The following PARP10 variants were observed in gnomAD, a reference collection of about 807,000 sequenced individuals.
The protein encoded by PARP10 is poly(ADP-ribose) polymerase family member 10.
Under a neutral mutation model 82.4 loss-of-function variants are expected in PARP10, and 56 were observed. The observed-to-expected ratio is 0.68, with a 90% CI of 0.55 to 0.85. The LOEUF is 0.85. PARP10 is among the 40% of genes least tolerant of loss of function. The pLI is 0.00. For synonymous variants in PARP10, 576 were observed against 601.1 expected (o/e 0.96, Z 0.61); for missense variants, 1,227 against 1,379.4 (o/e 0.89, Z 1.75).
At chr8:144,005,133 T>C (rs7001174) in intron 1 of PARP10, among the ~76,000 whole-genome samples, 66,489 of 149,490 alleles carry the variant, frequency 0.44, 15,783 homozygotes, top group African/African-American at 0.6. Flanking sequence ...GAGCTGAGAT[T>C]GCACCACTGC....
At position 143,983,993 on chromosome 8, in the gene PARP10, C is replaced by T. The variant is rs1833925764; in HGVS notation, c.1777+15G>A. ...AGGGCCACAGGATGTGCTGAGGGCTCCCAGGGAGCCCTACCCAGGCTCACG... is the reference window on the plus strand; with the variant it reads ...AGGGCCACAGGATGTGCTGAGGGCTTCCAGGGAGCCCTACCCAGGCTCACG... On this transcript the variant is annotated intron_variant, in intron 7 of 10. Coordinates refer to ENST00000313028, the MANE Select transcript of PARP10 (RefSeq NM_032789.5). The T allele has an allele frequency of 2.7e-6, 4 of 1,508,778 alleles. No homozygotes were observed. Among genetic ancestry groups the T allele is most frequent in the African/African-American group, 1.4e-5 (1 of 71,382 alleles). 93.5% of individuals were successfully genotyped at this position (1,508,778 alleles called of 1,614,324 possible). A position where few individuals can be genotyped will look rare whatever the true frequency, so the allele number is the denominator to read the frequency against.
upstream of PARP10, chr8:143,992,580 C>T: frequency 4.3e-6 from 7 of 1,614,154 alleles, no homozygotes; most frequent in Non-Finnish European, 5.9e-6. Flanking sequence ...ATCGTGTACG[C>T]CTCACTGGGC....
At chr8:144,004,849 C>T (rs1211486235) in intron 1 of PARP10, among the ~76,000 whole-genome samples, 9 of 152,156 alleles carry the variant, frequency 5.9e-5, no homozygotes, top group African/African-American at 2.2e-4. Flanking sequence ...GGGAGCAGGG[C>T]AGGCTCCTGG....
At chr8:143,979,915 G>A (rs1833806213) in intron 9 of PARP10, among the ~76,000 whole-genome samples, 1 of 151,830 alleles carries the variant, frequency 6.6e-6, no homozygotes, top group Admixed American at 6.6e-5. Context: ...AGGAGGCTGA[G>A]GCAGGAGAAT....
At position 143,996,212 on chromosome 8, in the gene PARP10, CTA is replaced by C. The variant is rs149325963; in HGVS notation, c.-79-9776_-79-9775del. On this transcript the variant is annotated intron_variant, in intron 1 of 3. Transcript: ENST00000530478. ...AAGGAGCACTGACACAGGTCACTGA[CTA>C]TATGAAGGCCAAAAAGAGACTTAAA... Among the ~76,000 whole-genome samples, 596 of 152,314 alleles carry C rather than the reference CTA, an allele frequency of 3.9e-3. 3 individuals are homozygous for C. Among genetic ancestry groups the C allele is most frequent in the African/African-American group, 0.014 (578 of 41,562 alleles).
At chr8:143,989,997 GCCCACCTGCCCCT>G (rs1834062404), upstream of PARP10, 1 of 132,222 alleles carries the variant, frequency 7.6e-6, no homozygotes, top group Non-Finnish European at 1.6e-5. The surrounding 1 kb of genome is among the most constrained non-coding windows in gnomAD (Gnocchi z 4.3). Flanking sequence ...CGGAAGCCCC[GCCCACCTGCCCCT>G]CCCACCCCGA....
chr8:143,992,753 A>T, upstream of PARP10: 1 of 1,614,002 alleles, frequency 6.2e-7, no homozygotes, highest in Non-Finnish European at 8.5e-7. Flanking sequence ...AGCCCAGAAG[A>T]GTATGTGTTT....
At chr8:144,006,068 G>A (rs1411001264) in intron 1 of PARP10, among the ~76,000 whole-genome samples, 1 of 152,082 alleles carries the variant, frequency 6.6e-6, no homozygotes, top group Non-Finnish European at 1.5e-5. Flanking sequence ...TAACCCCAGT[G>A]CTCCCCAGTC....
chr8:143,991,113 C>A, upstream of PARP10: 1 of 693,864 alleles, frequency 1.4e-6, no homozygotes, highest in Non-Finnish European at 2.4e-6. Context: ...CCCCTGGGTT[C>A]CCAGAAGCAG....
intron 1 of PARP10, among the ~76,000 whole-genome samples, chr8:143,999,772 A>G (rs1834188451): frequency 6.6e-6 from 1 of 152,054 alleles, no homozygotes; most frequent in African/African-American, 2.4e-5. Context: ...AATACAGTTA[A>G]CTGAAACCAA....
chr8:143,979,360 G>A (rs1419509421), intron 9 of PARP10, among the ~76,000 whole-genome samples: 3 of 152,136 alleles, frequency 2.0e-5, no homozygotes, highest in African/African-American at 7.2e-5. Context: ...TCTCATTACC[G>A]ACACCAGATG....
At chr8:144,002,322 G>C (rs1014592846) in intron 1 of PARP10, among the ~76,000 whole-genome samples, 11 of 152,150 alleles carry the variant, frequency 7.2e-5, no homozygotes, top group African/African-American at 2.7e-4. Flanking sequence ...GCTGAGGTAG[G>C]AGGATTGCTT....
chr8:143,997,378 C>T (rs373429884), intron 1 of PARP10, among the ~76,000 whole-genome samples: 2 of 152,282 alleles, frequency 1.3e-5, no homozygotes, highest in African/African-American at 4.8e-5. Context: ...GCCAGCTTTT[C>T]ACTGGTATCC....
rs1276887675 is a variant in PARP10, at chr8:144,010,343, G to A, written c.-80+2187C>T. Among the ~76,000 whole-genome samples, 9 of 152,206 alleles carry A rather than the reference G, an allele frequency of 5.9e-5. 1 individual carries two copies. The highest frequency in any genetic ancestry group is 5.2e-4 in the Admixed American group (8 of 15,276). On this transcript the variant is annotated intron_variant, in intron 1 of 3. Transcript: ENST00000530478. ...CCTAACATAATGCCTGCCACAGTTG[G>A]TGGCCAACATATGTTTTCGGATGAA...
rs560641493 is a variant in PARP10 at position 144,005,250 on chromosome 8, G to A, written c.-80+7280C>T. On this transcript the variant is annotated intron_variant, in intron 1 of 3. Transcript: ENST00000530478. The stretch of plus-strand genomic sequence containing the variant: ...GGAGGGACCAGCATCCACCAAGTCC[G>A]AGATGAGCTGCTGAAGGTGGATGGA... Among the ~76,000 whole-genome samples the A allele has an allele frequency of 9.2e-5, 14 of 152,002 alleles. No homozygotes were observed. The East Asian group carries it at 1.5e-3, about 17-fold the overall frequency.
chr8:143,999,900 A>G (rs1587473822), intron 1 of PARP10, among the ~76,000 whole-genome samples: 1 of 152,332 alleles, frequency 6.6e-6, no homozygotes, highest in African/African-American at 2.4e-5. Context: ...GAGAATGGAT[A>G]GAGAACAAAG....
chr8:144,011,819 T>C lies in PARP10; in HGVS notation c.-80+711A>G, dbSNP rs1208530603. Among the ~76,000 whole-genome samples the C allele has an allele frequency of 6.6e-6, 1 of 152,076 alleles. No homozygotes were observed. Among genetic ancestry groups the C allele is most frequent in the African/African-American group, 2.4e-5 (1 of 41,412 alleles). On this transcript the variant is annotated intron_variant, in intron 1 of 3. Coordinates refer to the PARP10 transcript ENST00000530478. This position sits in a 1 kb window ranked among gnomAD's most constrained non-coding sequence, Gnocchi z 4.5. ...CACCAGAAATGGAAACTCCAAGTTA[T>C]AGAGAGCTCCTGGACCAGCAGTAAG...
chr8:143,979,177 G>A (rs1431075512), intron 9 of PARP10, among the ~76,000 whole-genome samples: 1 of 152,000 alleles, frequency 6.6e-6, no homozygotes, highest in Non-Finnish European at 1.5e-5. Context: ...GTTTCACTGT[G>A]TTAGCCAGGA....
chr8:144,002,064 A>C (rs1554751735), intron 1 of PARP10, among the ~76,000 whole-genome samples: 1 of 152,122 alleles, frequency 6.6e-6, no homozygotes, highest in East Asian at 1.9e-4. Context: ...GAGGGAGATA[A>C]ATGAAGCAAG....
Sources: gnomAD v4.1 joint callset for allele counts (sites outside exome capture counted in the v4.1 genomes callset) on GRCh38, gnomAD v4.1.1 for gene constraint, Gnocchi (gnomAD v3.1) non-coding constraint, MANE v1.5 for transcripts, NCBI Gene and HGNC (gene_info 2026-07-23, HGNC 2026-07-21) for gene names.